STK32B: variants seen among roughly 807,000 people sequenced by gnomAD.
STK32B encodes serine/threonine-protein kinase 32B.
STK32B carries 43 observed loss-of-function variants against 52.6 expected under a neutral mutation model. That is an observed-to-expected ratio of 0.82 (90% CI 0.64 to 1.05). The LOEUF is 1.05. Among genes scored for constraint, STK32B ranks in the 50% least tolerant of loss-of-function variants. STK32B has a pLI of 0.00. For synonymous variants in STK32B, 238 were observed against 204.3 expected (o/e 1.17, Z -1.41); for missense variants, 621 against 534.6 (o/e 1.16, Z -1.59).
rs1716592611 is a variant in STK32B, at chr4:5,142,981, A to G, written c.108+3021A>G. Among the ~76,000 whole-genome samples, 2 of 152,200 alleles carry G rather than the reference A, an allele frequency of 1.3e-5. 1 individual carries two copies. The highest frequency in any genetic ancestry group is 2.9e-5 in the Non-Finnish European group (2 of 68,040). On this transcript the variant is annotated intron_variant, in intron 2 of 11. Transcript: ENST00000282908. ...GTGGCCTTTGGACTGGAGTTGCAGT[A>G]TCAACTCTTTTCTGGATTTCCAGCC...
intron 4 of STK32B, among the ~76,000 whole-genome samples, chr4:5,383,289 A>G (rs541285183): frequency 2.0e-5 from 3 of 152,074 alleles, no homozygotes; most frequent in Non-Finnish European, 2.9e-5. Context: ...CTCCCCTGTC[A>G]CACGAGGCAA....
At chr4:5,028,187 G>A in the STK32B span, among the ~76,000 whole-genome samples, 21 of 152,314 alleles carry the variant, frequency 1.4e-4, no homozygotes, top group African/African-American at 4.3e-4. Flanking sequence ...AGGCTGGAGT[G>A]CAGTGGAGCC....
At chr4:5,194,993 G>A (rs1266866338) in intron 3 of STK32B, among the ~76,000 whole-genome samples, 1 of 152,114 alleles carries the variant, frequency 6.6e-6, no homozygotes, top group Non-Finnish European at 1.5e-5. Context: ...CTCCAACATT[G>A]GGGATTATAA....
At chr4:5,355,160 C>A (rs939173487) in intron 4 of STK32B, among the ~76,000 whole-genome samples, 1 of 152,176 alleles carries the variant, frequency 6.6e-6, no homozygotes, top group African/African-American at 2.4e-5. Flanking sequence ...TCCTCTACCC[C>A]ACAGGGATGT....
At chr4:5,468,756 C>G (rs2109170470) in intron 11 of STK32B, among the ~76,000 whole-genome samples, 1 of 152,176 alleles carries the variant, frequency 6.6e-6, no homozygotes, top group South Asian at 2.1e-4. Context: ...AGGCTCGGTT[C>G]CAGCCAATGA....
chr4:5,157,544 A>G (rs2108716785), intron 2 of STK32B, among the ~76,000 whole-genome samples: 1 of 152,276 alleles, frequency 6.6e-6, no homozygotes, highest in South Asian at 2.1e-4. Context: ...TGAGAAAGAA[A>G]TGGGCCACGT....
chr4:5,213,816 T>C (rs983749737), intron 3 of STK32B, among the ~76,000 whole-genome samples: 2 of 152,220 alleles, frequency 1.3e-5, no homozygotes, highest in Non-Finnish European at 2.9e-5. Flanking sequence ...TTGTAGTTTG[T>C]AGCTTGTATT....
intron 3 of STK32B, among the ~76,000 whole-genome samples, chr4:5,297,191 T>C (rs1261035097): frequency 6.6e-6 from 1 of 152,224 alleles, no homozygotes; most frequent in Non-Finnish European, 1.5e-5. Context: ...CTGACCTTTC[T>C]CTCTGGCTGC....
chr4:5,229,239 A>C (rs959451593), intron 3 of STK32B, among the ~76,000 whole-genome samples: 3 of 147,374 alleles, frequency 2.0e-5, no homozygotes, highest in Non-Finnish European at 3.0e-5. Flanking sequence ...TTTTCCTTTT[A>C]AACTCTGAAA....
chr4:5,160,618 C>T (rs913403612), intron 2 of STK32B, among the ~76,000 whole-genome samples: 4 of 152,194 alleles, frequency 2.6e-5, no homozygotes, highest in Non-Finnish European at 2.9e-5. Flanking sequence ...TCACCTCTCC[C>T]GTGTGTTTTC....
rs1027711194 is a variant in STK32B, at chr4:5,399,699, C to T, written c.472+1455C>T. ...GAATGTCCTTGGGCCAGTGGCTGTA[C>T]CTCCGTGTCTCAGCCTTCCCAGCAG... is the stretch of plus-strand genomic sequence containing the variant. On this transcript the variant is annotated intron_variant, in intron 5 of 11. Coordinates refer to ENST00000282908, the MANE Select transcript of STK32B (RefSeq NM_018401.3). This position sits in a 1 kb window ranked among gnomAD's most constrained non-coding sequence, Gnocchi z 5.4. 3.9e-5 allele frequency among the ~76,000 whole-genome samples: 6 copies of T among 152,206 alleles called. No homozygotes were observed. The highest frequency in any genetic ancestry group is 7.3e-5 in the Non-Finnish European group (5 of 68,038).
chr4:5,358,887 T>A (rs1173902241), intron 4 of STK32B, among the ~76,000 whole-genome samples: 1 of 152,226 alleles, frequency 6.6e-6, no homozygotes, highest in Non-Finnish European at 1.5e-5. Context: ...AGGAGTGGGT[T>A]AACACATATA....
At chr4:5,141,734 A>G (rs1389849916) in intron 2 of STK32B, among the ~76,000 whole-genome samples, 3 of 152,156 alleles carry the variant, frequency 2.0e-5, no homozygotes, top group African/African-American at 7.2e-5. Context: ...CACCAAATCA[A>G]GTGGTCCATA....
chr4:5,204,246 A>C (rs921874683), intron 3 of STK32B: 2 of 152,178 alleles, frequency 1.3e-5, no homozygotes, highest in Non-Finnish European at 2.9e-5. Context: ...GGTTAACTAG[A>C]GATCTCCATG....
rs768546143 is a variant in STK32B at position 5,499,067 on chromosome 4, G to A, written c.1229G>A (p.Arg410His). The change falls in exon 12 of 12, where the codon CGT (arginine) becomes CAT (histidine). Residue 410 changes from arginine to histidine, a missense_variant. Transcript: ENST00000282908. ...NNNLLTHTCTRGCSS is the reference protein window; with the variant it reads ...NNNLLTHTCTHGCSS ...AACCTCCTCACCCACACCTGCACCC[G>A]TGGCTGCAGCAGCTGAGCCCACACT... 14 of 1,611,026 alleles carry A rather than the reference G, an allele frequency of 8.7e-6. No individual in the cohort carries two copies. Among genetic ancestry groups the A allele is most frequent in the Non-Finnish European group, 1.1e-5 (13 of 1,178,424 alleles).
chr4:5,036,386 C>T, the STK32B span, among the ~76,000 whole-genome samples: 1 of 152,098 alleles, frequency 6.6e-6, no homozygotes, highest in African/African-American at 2.4e-5. Context: ...CACAGCAGGC[C>T]CCTTTTGGTT....
intron 3 of STK32B, among the ~76,000 whole-genome samples, chr4:5,315,807 C>T (rs909599111): frequency 2.7e-4 from 41 of 151,190 alleles, no homozygotes; most frequent in African/African-American, 9.9e-4. Flanking sequence ...TGGGTTCAAG[C>T]TATTCTCCTG....
intron 4 of STK32B, among the ~76,000 whole-genome samples, chr4:5,348,552 A>G (rs1424567726): frequency 6.6e-6 from 1 of 152,124 alleles, no homozygotes; most frequent in Non-Finnish European, 1.5e-5. Flanking sequence ...TGTGAGGACA[A>G]ATTCCCACCC....
chr4:5,092,893 A>G (rs181266138), intron 1 of STK32B, among the ~76,000 whole-genome samples: 4 of 152,314 alleles, frequency 2.6e-5, no homozygotes, highest in Non-Finnish European at 5.9e-5. Context: ...ACTGTATCAC[A>G]TCGTGAATTT....
Sources: allele counts gnomAD v4.1 joint callset (sites outside exome capture counted in the v4.1 genomes callset), GRCh38; gene constraint gnomAD v4.1.1; non-coding constraint Gnocchi (gnomAD v3.1); transcripts MANE v1.5; gene names NCBI Gene and HGNC (gene_info 2026-07-23, HGNC 2026-07-21).